The following ZNF516 variants were observed in gnomAD, a reference collection of about 807,000 sequenced individuals.
The protein encoded by ZNF516 is zinc finger protein 516.
ZNF516 carries 19 observed loss-of-function variants against 79.7 expected under a neutral mutation model. That is an observed-to-expected ratio of 0.24 (90% CI 0.17 to 0.35). The LOEUF (loss-of-function observed/expected upper bound fraction) is 0.35. ZNF516 is among the 10% of genes least tolerant of loss of function. ZNF516 has a pLI of 1.00. For synonymous variants in ZNF516, 877 were observed against 739.5 expected (o/e 1.19, Z -3.02); for missense variants, 1,678 against 1,679.5 (o/e 1.00, Z 0.02).
chr18:76,464,365 C>CA (rs2145690038), intron 1 of ZNF516, among the ~76,000 whole-genome samples: 2 of 152,244 alleles, frequency 1.3e-5, no homozygotes, highest in South Asian at 2.1e-4. Flanking sequence ...GAGTGAGACT[C>CA]AGTCTCAAAA....
rs112916164 is a variant in ZNF516 at position 76,441,312 on chromosome 18, C to T, written c.1743G>A (p.Pro581=). 2.0e-3 allele frequency: 3,229 copies of T among 1,611,558 alleles called. 8 individuals carry two copies. The highest frequency in any genetic ancestry group is 6.4e-3 in the Middle Eastern group (38 of 5,932). Reference sequence around the variant, plus strand: ...CAGCCTCGTCGGCCAGGCCAGAGCCCGGGGAGTCAGCAGCGGCACAGGCGG... The same window carrying T: ...CAGCCTCGTCGGCCAGGCCAGAGCCTGGGGAGTCAGCAGCGGCACAGGCGG... ...PGSACAAADS[P]GSGLADEAAE... Residue 581 remains proline, a synonymous_variant, in exon 3 of 7, where the codon CCG becomes CCA. Transcript: ENST00000443185.
chr18:76,359,766 T>C lies in ZNF516; in HGVS notation c.*2732A>G, dbSNP rs564540659. 4.3e-4 allele frequency: 65 copies of C among 151,648 alleles called. 1 individual carries two copies. The highest frequency in any genetic ancestry group is 1.5e-3 in the African/African-American group (61 of 41,314). The allele number at this position is 151,648 out of a possible 1,614,324, so 9.4% of individuals were successfully genotyped here. A position where few individuals can be genotyped will look rare whatever the true frequency, so the allele number is the denominator to read the frequency against. On this transcript the variant is annotated 3_prime_UTR_variant, in exon 7 of 7. Transcript: ENST00000443185. ...GGAAACAGCAGATCGGGAGAGGTAG[T>C]AGAAAGTCTGTAACAGTCAGAAGAC...
intron 1 of ZNF516, among the ~76,000 whole-genome samples, chr18:76,483,171 T>C (rs558646321): frequency 6.6e-6 from 1 of 152,294 alleles, no homozygotes; most frequent in South Asian, 2.1e-4. Flanking sequence ...CTGCCTGCTT[T>C]GCTGGAGAAG....
At position 76,412,651 on chromosome 18, in the gene ZNF516, C is replaced by G. The variant is rs73975419; in HGVS notation, c.1810+28594G>C. 4.5e-3 allele frequency among the ~76,000 whole-genome samples: 679 copies of G among 152,332 alleles called. 6 individuals carry two copies. The highest frequency in any genetic ancestry group is 0.016 in the African/African-American group (649 of 41,580). On this transcript the variant is annotated intron_variant, in intron 3 of 6. Transcript: ENST00000443185. ...GGAGGATAAGGACACACCGTGCCTCCTGATGTGGAAGCAGGAAGTCAAGTC... is the reference window on the plus strand; with the variant it reads ...GGAGGATAAGGACACACCGTGCCTCGTGATGTGGAAGCAGGAAGTCAAGTC...
chr18:76,479,995 G>A (rs917563000), intron 1 of ZNF516, among the ~76,000 whole-genome samples: 3 of 152,160 alleles, frequency 2.0e-5, no homozygotes, highest in Non-Finnish European at 4.4e-5. Flanking sequence ...ATCAGAAACA[G>A]AGGAACCTGC....
chr18:76,404,207 C>T (rs1015149333), intron 3 of ZNF516, among the ~76,000 whole-genome samples: 1 of 152,262 alleles, frequency 6.6e-6, no homozygotes, highest in Non-Finnish European at 1.5e-5. Flanking sequence ...CACATGGTAT[C>T]GCCCTCTTCC....
chr18:76,454,786 T>TA (rs1165885938), intron 2 of ZNF516, among the ~76,000 whole-genome samples: 1 of 152,104 alleles, frequency 6.6e-6, no homozygotes, highest in African/African-American at 2.4e-5. Context: ...CAAAAAAGGA[T>TA]AAACAAGCAA....
upstream of ZNF516, chr18:76,495,702 G>A: frequency 8.4e-7 from 1 of 1,190,314 alleles, no homozygotes; most frequent in African/African-American, 1.7e-5. Flanking sequence ...GTACAGACGT[G>A]CTCGGGATGC....
chr18:76,449,147 G>A (rs530625450), intron 2 of ZNF516, among the ~76,000 whole-genome samples: 1 of 152,282 alleles, frequency 6.6e-6, no homozygotes, highest in South Asian at 2.1e-4. Flanking sequence ...TCAAGCCAAA[G>A]CCATCGTTCC....
rs1301910539 is a variant in ZNF516, at chr18:76,361,438, T to A, written c.*1060A>T. ...CACCCTTTATGAACAAAGTCACTCA[T>A]CCTGTGGAGGTCACCAGGCCCAGGG... On this transcript the variant is annotated 3_prime_UTR_variant, in exon 7 of 7. Transcript: ENST00000443185. The A allele has an allele frequency of 2.6e-5, 4 of 152,284 alleles. No homozygotes were observed. Among genetic ancestry groups the A allele is most frequent in the African/African-American group, 9.6e-5 (4 of 41,566 alleles). The allele number at this position is 152,284 out of a possible 1,614,324, so 9.4% of individuals were successfully genotyped here.
chr18:76,486,853 T>C (rs563078234), intron 1 of ZNF516, among the ~76,000 whole-genome samples: 2 of 152,274 alleles, frequency 1.3e-5, no homozygotes, highest in Non-Finnish European at 1.5e-5. Flanking sequence ...TAGACTTTAC[T>C]TACTTCCTGA....
At chr18:76,378,381 G>A (rs1283037070) in intron 4 of ZNF516, 1 of 153,526 alleles carries the variant, frequency 6.5e-6, no homozygotes, top group Non-Finnish European at 1.4e-5. Context: ...GACTAATTAG[G>A]TGTTTTTTTA....
At chr18:76,389,821 G>A (rs111704736) in intron 3 of ZNF516, among the ~76,000 whole-genome samples, 32 of 152,254 alleles carry the variant, frequency 2.1e-4, no homozygotes, top group Admixed American at 5.9e-4. Context: ...ATCACTGCCC[G>A]CAACCCTGGG....
intron 3 of ZNF516, among the ~76,000 whole-genome samples, chr18:76,384,317 C>T (rs1458968360): frequency 7.5e-6 from 1 of 134,072 alleles, no homozygotes; most frequent in Non-Finnish European, 1.6e-5. Context: ...GCCCCCATAC[C>T]CCCTCCACCA....
chr18:76,435,348 T>C (rs1384468598), intron 3 of ZNF516, among the ~76,000 whole-genome samples: 1 of 152,174 alleles, frequency 6.6e-6, no homozygotes, highest in Non-Finnish European at 1.5e-5. Flanking sequence ...TTCAAGCAAA[T>C]ATCAGCATGC....
In ZNF516 at chr18:76,379,158, G is replaced by T. The variant is rs763804216; in HGVS notation, c.2956C>A (p.Pro986Thr). ...AKFSAQPQGP[P>T]PAKGEGGAPP... Reference sequence around the variant, plus strand: ...GCGCCCCCTTCGCCCTTTGCAGGAGGTGGACCCTGAGGCTGAGCACTGAAT... The same window carrying T: ...GCGCCCCCTTCGCCCTTTGCAGGAGTTGGACCCTGAGGCTGAGCACTGAAT... Residue 986 changes from proline (P) to threonine (T), a missense_variant, in exon 4 of 7, where the codon CCT (proline) becomes ACT (threonine). Physicochemically the swap from Pro to Thr is conservative, Grantham distance 38. This residue lies in a region of ZNF516 where 1,294 missense variants were observed against 1,248.3 expected (regional missense o/e 1.04). Coordinates refer to ENST00000443185, the MANE Select transcript of ZNF516 (RefSeq NM_014643.4). 1.9e-6 allele frequency: 3 copies of T among 1,612,920 alleles called. No individual in the cohort carries two copies. Among genetic ancestry groups the T allele is most frequent in the South Asian group, 1.1e-5 (1 of 91,084 alleles).
rs183914408 is a variant in ZNF516, at chr18:76,451,096, G to A, written c.-157-7885C>T. On this transcript the variant is annotated intron_variant, in intron 2 of 6. Coordinates refer to ENST00000443185, the MANE Select transcript of ZNF516 (RefSeq NM_014643.4). The surrounding 1 kb of genome is among the most constrained non-coding windows in gnomAD (Gnocchi z 6.0). ...GAGCGAGAGGAAAACTGAAAGTCCC[G>A]TTTCCTGCACCAAGTCCCCACAAGC... 6.6e-5 allele frequency among the ~76,000 whole-genome samples: 10 copies of A among 152,298 alleles called. 1 individual carries two copies. The highest frequency in any genetic ancestry group is 5.2e-4 in the Admixed American group (8 of 15,298).
chr18:76,468,504 C>G (rs1056570822), intron 1 of ZNF516, among the ~76,000 whole-genome samples: 1 of 150,984 alleles, frequency 6.6e-6, no homozygotes, highest in Admixed American at 6.6e-5. Flanking sequence ...GCAACCTCGG[C>G]CTTCCGGGCT....
intron 1 of ZNF516, chr18:76,491,170 G>A (rs1219855041): frequency 1.1e-5 from 10 of 926,192 alleles, no homozygotes; most frequent in Admixed American, 1.2e-4. Context: ...GGGCTCCGCC[G>A]CGCCTCGGCC....
Sources: gnomAD v4.1 joint callset for allele counts (sites outside exome capture counted in the v4.1 genomes callset) on GRCh38, gnomAD v4.1.1 for gene constraint, gnomAD v4.1.1 regional missense constraint, Gnocchi (gnomAD v3.1) non-coding constraint, MANE v1.5 for transcripts, NCBI Gene and HGNC (gene_info 2026-07-23, HGNC 2026-07-21) for gene names.